Variants in TMEM135 observed in about 807,000 individuals in gnomAD.
TMEM135 encodes peroxisomal membrane protein 52.
A neutral mutation model predicts 60.3 loss-of-function variants in TMEM135; 30 were observed. The observed-to-expected ratio is 0.50, with a 90% CI of 0.37 to 0.68. The LOEUF (loss-of-function observed/expected upper bound fraction) is 0.68, where lower values mean the gene tolerates loss of function less well. TMEM135 is among the 30% of genes least tolerant of loss of function. The pLI is 0.00. For synonymous variants in TMEM135, 190 were observed against 186.7 expected (o/e 1.02, Z -0.14); for missense variants, 468 against 548.8 (o/e 0.85, Z 1.47).
intron 1 of TMEM135, among the ~76,000 whole-genome samples, chr11:87,064,058 A>T (rs2512356): frequency 2.0e-5 from 3 of 151,864 alleles, no homozygotes; most frequent in Admixed American, 2.0e-4. Context: ...TTCCAAGGGG[A>T]CCACAATTTT....
intron 5 of TMEM135, among the ~76,000 whole-genome samples, chr11:87,162,030 T>TA (rs1439727402): frequency 6.6e-6 from 1 of 151,904 alleles, no homozygotes; most frequent in Non-Finnish European, 1.5e-5. Flanking sequence ...TGAAAGAAAA[T>TA]AAAAAACATG....
In TMEM135 at chr11:87,249,966, C is replaced by T. The variant is rs564185830; in HGVS notation, c.509+13282C>T. Among the ~76,000 whole-genome samples the T allele has an allele frequency of 1.3e-4, 20 of 152,158 alleles. 2 individuals carry two copies. The highest frequency in any genetic ancestry group is 1.0e-3 in the Admixed American group (16 of 15,274). On this transcript the variant is annotated intron_variant, in intron 6 of 14. Coordinates refer to ENST00000305494, the MANE Select transcript of TMEM135 (RefSeq NM_022918.4). ...TTTGCTGGGAGGCTTTTTATTACAG[C>T]TTCAATCTCATCCTTTGTCTTTGAT...
Position 87,109,178 on chromosome 11 carries a change from C to T in TMEM135, c.396+17783C>T, listed in dbSNP as rs181063669. ...ATATGGAAAAACTTTTCAAAATATG[C>T]TCTTTAAATTTTTGGTGTTTATTGT... On this transcript the variant is annotated intron_variant, in intron 4 of 14. Coordinates refer to ENST00000305494, the MANE Select transcript of TMEM135 (RefSeq NM_022918.4). Among the ~76,000 whole-genome samples, 456 of 152,200 alleles carry T rather than the reference C, an allele frequency of 3.0e-3. 12 individuals are homozygous for T. Among genetic ancestry groups the T allele is most frequent in the Admixed American group, 0.026 (395 of 15,284 alleles).
At chr11:87,268,196 T>C (rs1418930126) in intron 6 of TMEM135, among the ~76,000 whole-genome samples, 2 of 150,816 alleles carry the variant, frequency 1.3e-5, no homozygotes, top group African/African-American at 4.9e-5. Context: ...TCTTCTTTTC[T>C]GTTTTTTTGA....
chr11:87,087,021 C>T (rs531302132), intron 3 of TMEM135, among the ~76,000 whole-genome samples: 1 of 152,226 alleles, frequency 6.6e-6, no homozygotes, highest in Admixed American at 6.5e-5. Context: ...GCAGTCATGT[C>T]TCTCTTAGAG....
intron 3 of TMEM135, among the ~76,000 whole-genome samples, chr11:87,076,145 C>T (rs968131358): frequency 8.5e-5 from 13 of 152,142 alleles, no homozygotes; most frequent in African/African-American, 3.1e-4. Flanking sequence ...TCTCCCGGGC[C>T]CTGGGCAGGT....
Position 87,216,316 on chromosome 11 carries a change from G to A in TMEM135, c.463-20322G>A, listed in dbSNP as rs569723323. Among the ~76,000 whole-genome samples, 242 of 152,110 alleles carry A rather than the reference G, an allele frequency of 1.6e-3. 1 individual carries two copies. The highest frequency in any genetic ancestry group is 5.5e-3 in the African/African-American group (228 of 41,526). Reference sequence around the variant, plus strand: ...TAAGATATTCTACTACAAGTTAAGTGCATGGTGGGTGTGAATTTCTCTCTC... The same window carrying A: ...TAAGATATTCTACTACAAGTTAAGTACATGGTGGGTGTGAATTTCTCTCTC... On this transcript the variant is annotated intron_variant, in intron 5 of 14. Transcript: ENST00000305494.
rs199705600 is a variant in TMEM135 at position 87,253,344 on chromosome 11, A to G, written c.509+16660A>G. ...ACCCCTAAGGTAAGGACTTAATGGG[A>G]CACAATCATGTCAAAAATGGCCAGT... is the stretch of plus-strand genomic sequence containing the variant. On this transcript the variant is annotated intron_variant, in intron 6 of 14. Coordinates refer to ENST00000305494, the MANE Select transcript of TMEM135 (RefSeq NM_022918.4). Among the ~76,000 whole-genome samples the G allele has an allele frequency of 2.2e-4, 34 of 152,288 alleles. No individual in the cohort carries two copies. In the East Asian group the frequency reaches 6.4e-3, roughly 29 times the overall value.
intron 5 of TMEM135, among the ~76,000 whole-genome samples, chr11:87,220,947 G>A (rs1157999843): frequency 1.3e-5 from 2 of 151,918 alleles, no homozygotes; most frequent in Non-Finnish European, 2.9e-5. Context: ...AAATTAATGC[G>A]GATGTATTCA....
At chr11:87,100,950 C>T (rs1284408063) in intron 4 of TMEM135, among the ~76,000 whole-genome samples, 2 of 152,104 alleles carry the variant, frequency 1.3e-5, no homozygotes, top group South Asian at 2.1e-4. Context: ...ATAGCCTTAA[C>T]GATTAACTAG....
At chr11:87,047,340 G>T (rs560957146) in intron 1 of TMEM135, among the ~76,000 whole-genome samples, 3 of 152,118 alleles carry the variant, frequency 2.0e-5, no homozygotes, top group Admixed American at 6.5e-5. Context: ...GAACAGCTCC[G>T]GTCTACAGCT....
chr11:87,057,687 A>C (rs928805524), intron 1 of TMEM135, among the ~76,000 whole-genome samples: 2 of 152,140 alleles, frequency 1.3e-5, no homozygotes, highest in Non-Finnish European at 2.9e-5. Flanking sequence ...ATTTTGTTTG[A>C]GATATTTATA....
intron 5 of TMEM135, among the ~76,000 whole-genome samples, chr11:87,225,364 C>A (rs924844311): frequency 2.6e-5 from 4 of 152,082 alleles, no homozygotes; most frequent in Non-Finnish European, 4.4e-5. Flanking sequence ...TTAAGGACTT[C>A]ATATAACATG....
chr11:87,047,047 C>T (rs114583892), intron 1 of TMEM135, among the ~76,000 whole-genome samples: 268 of 152,280 alleles, frequency 1.8e-3, no homozygotes, highest in African/African-American at 5.7e-3. Context: ...CCATAACTCT[C>T]CAGGGACTTT....
At chr11:87,061,654 A>G (rs924452635) in intron 1 of TMEM135, among the ~76,000 whole-genome samples, 2 of 152,202 alleles carry the variant, frequency 1.3e-5, no homozygotes, top group Non-Finnish European at 2.9e-5. Context: ...TAGTAAGGCT[A>G]AGATCATGGG....
At chr11:87,086,963 C>G (rs1857109227) in intron 3 of TMEM135, among the ~76,000 whole-genome samples, 1 of 152,106 alleles carries the variant, frequency 6.6e-6, no homozygotes, top group Non-Finnish European at 1.5e-5. Flanking sequence ...AGGACGATGA[C>G]CAGTCTTAAC....
intron 6 of TMEM135, among the ~76,000 whole-genome samples, chr11:87,247,612 C>CT (rs1394356318): frequency 2.0e-5 from 3 of 152,176 alleles, no homozygotes; most frequent in Non-Finnish European, 4.4e-5. Context: ...TCACAGACTG[C>CT]TGTGCTAGCA....
intron 5 of TMEM135, among the ~76,000 whole-genome samples, chr11:87,175,797 A>G (rs566053285): frequency 6.6e-6 from 1 of 152,240 alleles, no homozygotes; most frequent in East Asian, 1.9e-4. Context: ...CTCTGGTTGT[A>G]TAGCTAGATG....
chr11:87,098,142 AT>A (rs11368149), intron 4 of TMEM135, among the ~76,000 whole-genome samples: 80,707 of 147,914 alleles, frequency 0.55, 22,370 homozygotes, highest in East Asian at 0.7. Context: ...GAGGTTGCAA[AT>A]TTTTTTTTTT....
Sources: allele counts gnomAD v4.1 joint callset (sites outside exome capture counted in the v4.1 genomes callset), GRCh38; gene constraint gnomAD v4.1.1; transcripts MANE v1.5; gene names NCBI Gene and HGNC (gene_info 2026-07-23, HGNC 2026-07-21).